The following CST7 variants were observed in gnomAD, a reference collection of about 807,000 sequenced individuals.
CST7 encodes cystatin-F.
A neutral mutation model predicts 13.1 loss-of-function variants in CST7; 15 were observed. The ratio of observed to expected loss-of-function variants is 1.14; its 90% CI spans 0.77 to 1.76. CST7 has a LOEUF of 1.76. CST7 is among the 40% of genes most tolerant of loss of function. The probability of loss-of-function intolerance (pLI) is 0.00; values close to 1 mark genes in which losing one functional copy is unlikely to be tolerated. For missense variants in CST7, 193 were observed against 178.8 expected (o/e 1.08, Z -0.45); for synonymous variants, 75 against 66.9 (o/e 1.12, Z -0.59).
chr20:24,959,153 T>A (rs2087879148), intron 3 of CST7, 109 bp downstream of exon 3: 2 of 888,710 alleles, frequency 2.3e-6, no homozygotes, highest in Non-Finnish European at 1.8e-6. Context: ...GCCCCAAACC[T>A]CACCCCTGAG....
chr20:24,957,077 GA>G (rs56154700), intron 1 of CST7, among the ~76,000 whole-genome samples: 146 of 540 alleles, frequency 0.27, 61 homozygotes, highest in African/African-American at 0.31. Context: ...GGGGGCAGGT[GA>G]GGGGGGCAGG....
chr20:24,957,375 C>G lies in CST7; in HGVS notation c.159C>G (p.Ala53=), dbSNP rs1320136625. ...ATGACCCAGGAGTCCTCCAAGCAGC[C>G]AGATACAGTGTTGAAAAGTTCAACA... The part of the protein sequence containing the change: ...KTNDPGVLQA[A]RYSVEKFNNC... The change falls in exon 2 of 4, where the codon GCC becomes GCG. Residue 53 remains alanine (A), a synonymous_variant. Transcript: ENST00000480798. 1 of 1,613,770 alleles carries G rather than the reference C, an allele frequency of 6.2e-7. No homozygotes were observed. The highest frequency in any genetic ancestry group is 1.1e-5 in the South Asian group (1 of 91,084).
At position 24,959,301 on chromosome 20, in the gene CST7, G is replaced by A. The variant is rs770084709; in HGVS notation, c.360+257G>A. Among the ~76,000 whole-genome samples, 3 of 151,350 alleles carry A rather than the reference G, an allele frequency of 2.0e-5. No individual in the cohort carries two copies. The South Asian group carries it at 6.3e-4, about 32-fold the overall frequency. ...GCTCTGGAAGAGCGTCCTGGGGTGC[G>A]AGTGGAGAGGGTTAGAGTAAGAAAA... On this transcript the variant is annotated intron_variant, in intron 3 of 3. Coordinates refer to ENST00000480798, the MANE Select transcript of CST7 (RefSeq NM_003650.4).
In CST7 at chr20:24,957,272, C is replaced by T. The variant is rs747728428; in HGVS notation, c.71-15C>T. The stretch of plus-strand genomic sequence containing the variant: ...CTAACATCAGTGTTCTTGTCTGGCT[C>T]TTTGTCTCTTTCAGATACTTGTTCC... On this transcript the variant is annotated splice_polypyrimidine_tract_variant and intron_variant, in intron 1 of 3. Transcript: ENST00000480798. The T allele has an allele frequency of 3.7e-6, 6 of 1,609,824 alleles. No homozygotes were observed. The highest frequency in any genetic ancestry group is 5.1e-6 in the Non-Finnish European group (6 of 1,177,996).
At chr20:24,958,756 G>A (rs1430179093) in intron 2 of CST7, among the ~76,000 whole-genome samples, 172 bp from the exon 3 acceptor site, 3 of 152,134 alleles carry the variant, frequency 2.0e-5, no homozygotes, top group Non-Finnish European at 2.9e-5. Context: ...GGAGGGGAGT[G>A]GGAGGGGTCT....
At chr20:24,949,901 G>C (rs1424829718) in intron 1 of CST7, among the ~76,000 whole-genome samples, 1 of 152,234 alleles carries the variant, frequency 6.6e-6, no homozygotes, top group Non-Finnish European at 1.5e-5. Flanking sequence ...CTGCGGGACG[G>C]AGGCGACAGG....
At chr20:24,953,019 G>A (rs1265000354) in intron 1 of CST7, among the ~76,000 whole-genome samples, 2 of 152,234 alleles carry the variant, frequency 1.3e-5, no homozygotes, top group Non-Finnish European at 2.9e-5. Context: ...TATGCTCTGA[G>A]GACAGGAACG....
Position 24,959,818 on chromosome 20 carries a change from T to A in CST7, c.*106T>A. 8.7e-7 allele frequency: 1 copy of A among 1,151,062 alleles called. No individual in the cohort carries two copies. The highest frequency in any genetic ancestry group is 1.3e-6 in the Non-Finnish European group (1 of 766,800). The allele number at this position is 1,151,062 out of a possible 1,614,324, so 71.3% of individuals were successfully genotyped here. ...CCAGCCTCACAGACCCTCTCAGGCC[T>A]CTGACGAGTGAGCGGGTGAAGTGCC... is the stretch of plus-strand genomic sequence containing the variant. On this transcript the variant is annotated 3_prime_UTR_variant, in exon 4 of 4. Transcript: ENST00000480798.
At chr20:24,959,517 T>C in intron 3 of CST7, 118 bp from the exon 4 acceptor site, 1 of 917,882 alleles carries the variant, frequency 1.1e-6, no homozygotes, top group Non-Finnish European at 1.7e-6. Context: ...GTTTGAAATT[T>C]TTCAAAATGA....
rs776283035 is a variant in CST7, at chr20:24,949,399, A to G, written c.-107A>G. The G allele has an allele frequency of 1.3e-5, 21 of 1,602,020 alleles. No individual in the cohort carries two copies. Among genetic ancestry groups the G allele is most frequent in the Middle Eastern group, 1.7e-4 (1 of 5,760 alleles). ...ACCTGCCCTGCGCCATCTACCCAAG[A>G]AGGCTCGGCACGGGCACCAACCACT... On this transcript the variant is annotated 5_prime_UTR_variant, in exon 1 of 4. Coordinates refer to ENST00000480798, the MANE Select transcript of CST7 (RefSeq NM_003650.4).
chr20:24,949,589 T>C lies in CST7; in HGVS notation c.70+14T>C, dbSNP rs779375364. 6.2e-7 allele frequency: 1 copy of C among 1,613,712 alleles called. No homozygotes were observed. Among genetic ancestry groups the C allele is most frequent in the South Asian group, 1.1e-5 (1 of 91,038 alleles). On this transcript the variant is annotated intron_variant, in intron 1 of 3. Transcript: ENST00000480798. ...GCCCTTCCCCAGGTAAGTGGCGTTC[T>C]CCCCTGTCCGCTCCCCGGGGGTCTC... is the stretch of plus-strand genomic sequence containing the variant.
Position 24,959,688 on chromosome 20 carries a change from G to A in CST7, c.414G>A (p.Glu138=), listed in dbSNP as rs756200346. 1.2e-6 allele frequency: 2 copies of A among 1,614,072 alleles called. No individual in the cohort carries two copies. Among genetic ancestry groups the A allele is most frequent in the South Asian group, 1.1e-5 (1 of 91,086 alleles). Residue 138 remains glutamate, a synonymous_variant, in exon 4 of 4, where the codon GAG becomes GAA. Transcript: ENST00000480798. ...TCGTGCCCTGGCTCCAGCACTTCGA[G>A]GTGCCTGTTCTCCGTTGTCACTGAC... is the stretch of plus-strand genomic sequence containing the variant. ...VWVVPWLQHF[E]VPVLRCH
chr20:24,949,281 T>G lies in CST7; in HGVS notation c.-225T>G. 1 of 1,375,452 alleles carries G rather than the reference T, an allele frequency of 7.3e-7. No individual in the cohort carries two copies. 85.2% of individuals were successfully genotyped at this position (1,375,452 alleles called of 1,614,324 possible). A position where few individuals can be genotyped will look rare whatever the true frequency, so the allele number is the denominator to read the frequency against. On this transcript the variant is annotated 5_prime_UTR_variant, in exon 1 of 4. Coordinates refer to ENST00000480798, the MANE Select transcript of CST7 (RefSeq NM_003650.4). ...GCTGGGACAGCCCACTGTTCCATGCTGCCCAAGAAGGCTCAGCACAGGCAC... is the reference window on the plus strand; with the variant it reads ...GCTGGGACAGCCCACTGTTCCATGCGGCCCAAGAAGGCTCAGCACAGGCAC...
chr20:24,955,759 G>T (rs2122452274), intron 1 of CST7, among the ~76,000 whole-genome samples: 1 of 152,286 alleles, frequency 6.6e-6, no homozygotes, highest in Middle Eastern at 3.4e-3. Context: ...TTAAGCAAAG[G>T]CTGCAGCAGT....
At chr20:24,955,117 G>A (rs930253174) in intron 1 of CST7, among the ~76,000 whole-genome samples, 1 of 151,704 alleles carries the variant, frequency 6.6e-6, no homozygotes, top group Admixed American at 6.6e-5. Flanking sequence ...TTCCATACAC[G>A]TGTCTCTTTC....
intron 1 of CST7, among the ~76,000 whole-genome samples, chr20:24,954,920 A>G (rs1325158735): frequency 2.0e-5 from 3 of 152,102 alleles, no homozygotes; most frequent in African/African-American, 7.2e-5. Flanking sequence ...GCTCCTCTGT[A>G]TTTTTCAAAT....
intron 1 of CST7, among the ~76,000 whole-genome samples, chr20:24,951,096 G>A (rs1035900534): frequency 2.6e-5 from 4 of 152,134 alleles, no homozygotes; most frequent in African/African-American, 9.7e-5. Flanking sequence ...TGGTGTTCCC[G>A]GCCCCTCGCT....
At chr20:24,959,121 G>A (rs919106260) in intron 3 of CST7, 77 bp downstream of exon 3, 74 of 1,164,924 alleles carry the variant, frequency 6.4e-5, no homozygotes, top group Non-Finnish European at 8.3e-5. Flanking sequence ...GAAAAACACC[G>A]TCACCACGTC....
chr20:24,958,777 C>T (rs2087875207), intron 2 of CST7, 151 bp from the exon 3 acceptor site: 2 of 642,158 alleles, frequency 3.1e-6, no homozygotes, highest in Admixed American at 4.7e-5. Flanking sequence ...GCAGGCTCTG[C>T]CGTAAGCCCG....
Sources: gnomAD v4.1 joint callset for allele counts (sites outside exome capture counted in the v4.1 genomes callset) on GRCh38, gnomAD v4.1.1 for gene constraint, MANE v1.5 for transcripts, NCBI Gene and HGNC (gene_info 2026-07-23, HGNC 2026-07-21) for gene names.